The following AGAP1 variants were observed in gnomAD, a reference collection of about 807,000 sequenced individuals.
AGAP1 encodes the protein ArfGAP with GTPase domain, ankyrin repeat and PH domain 1.
AGAP1 carries 29 observed loss-of-function variants against 105.3 expected under a neutral mutation model. The ratio of observed to expected loss-of-function variants is 0.28; its 90% CI spans 0.21 to 0.38. The LOEUF (loss-of-function observed/expected upper bound fraction) is 0.38, where lower values mean the gene tolerates loss of function less well. AGAP1 is among the 10% of genes least tolerant of loss of function. AGAP1 has a pLI of 1.00. For missense variants in AGAP1, 998 were observed against 1,165.1 expected, an observed-to-expected ratio of 0.86 and a Z score of 2.09; for synonymous variants, 509 against 485.9, an observed-to-expected ratio of 1.05 and a Z score of -0.63.
At chr2:235,745,100 T>C (rs1952822506) in intron 5 of AGAP1, among the ~76,000 whole-genome samples, 1 of 152,100 alleles carries the variant, frequency 6.6e-6, no homozygotes, top group South Asian at 2.1e-4. Context: ...TTCCCTTGTT[T>C]TCTGGAAAAA....
At position 235,867,291 on chromosome 2, in the gene AGAP1, C is replaced by T. The variant is rs967832081; in HGVS notation, c.1051-16054C>T. On this transcript the variant is annotated intron_variant, in intron 9 of 17. Transcript: ENST00000304032. This position sits in a 1 kb window ranked among gnomAD's most constrained non-coding sequence, Gnocchi z 5.4. ...GGTCGTGTGGTTTCTCCTGAACTAC[C>T]TACCTCTCCCAGTTCAGGGCAAATG... 5.9e-5 allele frequency among the ~76,000 whole-genome samples: 9 copies of T among 152,124 alleles called. No homozygotes were observed. The highest frequency in any genetic ancestry group is 2.2e-4 in the African/African-American group (9 of 41,430).
intron 9 of AGAP1, among the ~76,000 whole-genome samples, chr2:235,863,836 C>T (rs529593014): frequency 8.6e-5 from 13 of 151,952 alleles, no homozygotes; most frequent in Non-Finnish European, 1.3e-4. Flanking sequence ...AGAGTTAACT[C>T]GGAAAGAAAG....
intron 13 of AGAP1, among the ~76,000 whole-genome samples, chr2:235,999,323 GTGGTGGTGATGATGATAGTGGTGA>G (rs2055979201): frequency 6.7e-6 from 1 of 149,922 alleles, no homozygotes; most frequent in Non-Finnish European, 1.5e-5. Flanking sequence ...GGTGGTGGTG[GTGGTGGTGATGATGATAGTGGTGA>G]TGGTGATGAT....
chr2:235,829,508 A>G (rs1225056469), intron 9 of AGAP1, among the ~76,000 whole-genome samples: 2 of 152,234 alleles, frequency 1.3e-5, no homozygotes, highest in African/African-American at 4.8e-5. Context: ...GGCCAAATGT[A>G]TACTGAATTG....
chr2:235,653,543 T>TA (rs1947679381), intron 1 of AGAP1, among the ~76,000 whole-genome samples: 1 of 151,226 alleles, frequency 6.6e-6, no homozygotes. Flanking sequence ...AAATAATAAA[T>TA]AAAAAAGTGC....
At chr2:236,010,364 G>A (rs995400432) in intron 13 of AGAP1, among the ~76,000 whole-genome samples, 40 of 152,208 alleles carry the variant, frequency 2.6e-4, no homozygotes, top group Non-Finnish European at 4.6e-4. Flanking sequence ...CTGTCTGTTA[G>A]TAATTACAAG....
In AGAP1 at chr2:236,101,762, T is replaced by A. The variant is rs1317367594; in HGVS notation, c.2115-18430T>A. On this transcript the variant is annotated intron_variant, in intron 16 of 17. Coordinates refer to ENST00000304032, the MANE Select transcript of AGAP1 (RefSeq NM_001037131.3). The surrounding 1 kb of genome is among the most constrained non-coding windows in gnomAD (Gnocchi z 4.9). The stretch of plus-strand genomic sequence containing the variant: ...ACCAGCAGAGCCGCCGTGGGCTTCA[T>A]GCCACGTTACGCGGAGTCTAGGACG... 6.6e-6 allele frequency among the ~76,000 whole-genome samples: 1 copy of A among 152,256 alleles called. No homozygotes were observed. The highest frequency in any genetic ancestry group is 2.4e-5 in the African/African-American group (1 of 41,470).
At chr2:235,670,957 G>T (rs2149359494) in intron 1 of AGAP1, 2 of 1,319,520 alleles carry the variant, frequency 1.5e-6, no homozygotes, top group East Asian at 3.1e-5. Flanking sequence ...CCTCGCCACG[G>T]AGCGGAGCCT....
chr2:236,008,812 C>T (rs1384353870), intron 13 of AGAP1, among the ~76,000 whole-genome samples: 1 of 152,178 alleles, frequency 6.6e-6, no homozygotes, highest in Non-Finnish European at 1.5e-5. Context: ...AAAGAAAGAA[C>T]CATTGTGAGT....
rs528403161 is a variant in AGAP1 at position 235,753,924 on chromosome 2, C to T, written c.673+3436C>T. ...TTTTCATGTAAATCACAAACACTCT[C>T]ATTGTTAGTGAGAAAAGTAGTTGCT... On this transcript the variant is annotated intron_variant, in intron 6 of 17. Coordinates refer to ENST00000304032, the MANE Select transcript of AGAP1 (RefSeq NM_001037131.3). This position sits in a 1 kb window ranked among gnomAD's most constrained non-coding sequence, Gnocchi z 4.5. Among the ~76,000 whole-genome samples, 17 of 152,174 alleles carry T rather than the reference C, an allele frequency of 1.1e-4. No homozygotes were observed. Among genetic ancestry groups the T allele is most frequent in the Non-Finnish European group, 2.9e-5 (2 of 68,028 alleles).
intron 1 of AGAP1, among the ~76,000 whole-genome samples, chr2:235,630,454 A>G (rs1219392700): frequency 1.3e-5 from 2 of 152,110 alleles, no homozygotes; most frequent in Non-Finnish European, 2.9e-5. Flanking sequence ...CAGGTGATCC[A>G]CCTGCCTCGG....
chr2:235,519,774 T>G (rs1942546518), intron 1 of AGAP1, among the ~76,000 whole-genome samples: 1 of 152,122 alleles, frequency 6.6e-6, no homozygotes, highest in African/African-American at 2.4e-5. Context: ...CCTACCAATA[T>G]TATTATTATC....
At chr2:236,028,947 T>C (rs1429423688) in intron 13 of AGAP1, among the ~76,000 whole-genome samples, 1 of 152,204 alleles carries the variant, frequency 6.6e-6, no homozygotes, top group Non-Finnish European at 1.5e-5. Flanking sequence ...TTTTTTTCTT[T>C]CTTCTGGTTG....
At position 235,983,214 on chromosome 2, in the gene AGAP1, G is replaced by T. The variant is rs1371225553; in HGVS notation, c.1645+14591G>T. 6.6e-6 allele frequency among the ~76,000 whole-genome samples: 1 copy of T among 152,060 alleles called. No individual in the cohort carries two copies. The highest frequency in any genetic ancestry group is 2.4e-5 in the African/African-American group (1 of 41,390). ...AAGTGCCCAGCAAGGGGAGCTGCAG[G>T]AGGGTCTCTTTACAGGTGTGCAAAG... On this transcript the variant is annotated intron_variant, in intron 13 of 17. Coordinates refer to ENST00000304032, the MANE Select transcript of AGAP1 (RefSeq NM_001037131.3). The surrounding 1 kb of genome is among the most constrained non-coding windows in gnomAD (Gnocchi z 4.5).
intron 1 of AGAP1, among the ~76,000 whole-genome samples, chr2:235,496,995 C>T (rs977975082): frequency 2.0e-5 from 3 of 152,168 alleles, no homozygotes; most frequent in Non-Finnish European, 4.4e-5. Flanking sequence ...GGCTTAAGAA[C>T]CACTCAGACA....
rs1221423445 is a variant in AGAP1 at position 235,692,455 on chromosome 2, C to T, written c.164-16724C>T. Among the ~76,000 whole-genome samples the T allele has an allele frequency of 6.6e-6, 1 of 152,164 alleles. No individual in the cohort carries two copies. The highest frequency in any genetic ancestry group is 6.5e-5 in the Admixed American group (1 of 15,282). The stretch of plus-strand genomic sequence containing the variant: ...TAGAAAATGTGACCCATGTTGCCAA[C>T]TCCCAAAAGCCACCAGGTGACTTCC... On this transcript the variant is annotated intron_variant, in intron 1 of 17. Transcript: ENST00000304032. The surrounding 1 kb of genome is among the most constrained non-coding windows in gnomAD (Gnocchi z 5.8).
In AGAP1 at chr2:236,126,876, C is replaced by G. The variant is rs1303563406; in HGVS notation, c.*2754C>G. The G allele has an allele frequency of 1.3e-5, 2 of 152,260 alleles. No homozygotes were observed. The highest frequency in any genetic ancestry group is 4.8e-5 in the African/African-American group (2 of 41,442). The allele number at this position is 152,260 out of a possible 1,614,324, so 9.4% of individuals were successfully genotyped here. A position where few individuals can be genotyped will look rare whatever the true frequency, so the allele number is the denominator to read the frequency against. ...CGGACCGCACTCTCGTTCCCACTTT[C>G]AAGCTAATTACCACCAAGGCTGGGA... On this transcript the variant is annotated 3_prime_UTR_variant, in exon 18 of 18. Transcript: ENST00000304032.
chr2:235,988,811 A>G lies in AGAP1; in HGVS notation c.1645+20188A>G, dbSNP rs986671106. On this transcript the variant is annotated intron_variant, in intron 13 of 17. Transcript: ENST00000304032. The surrounding 1 kb of genome is among the most constrained non-coding windows in gnomAD (Gnocchi z 4.7). ...ACCCACCCTTTTTTCTGTGGTCAGC[A>G]TGTGTTTCCCAGACTGGGCGTCACT... Among the ~76,000 whole-genome samples, 1 of 152,044 alleles carries G rather than the reference A, an allele frequency of 6.6e-6. No individual in the cohort carries two copies. The highest frequency in any genetic ancestry group is 1.5e-5 in the Non-Finnish European group (1 of 68,010).
Position 235,720,755 on chromosome 2 carries a change from A to G in AGAP1, c.310+3111A>G. 1.0e-6 allele frequency: 1 copy of G among 970,496 alleles called. No individual in the cohort carries two copies. The highest frequency in any genetic ancestry group is 1.2e-6 in the Non-Finnish European group (1 of 816,486). The allele number at this position is 970,496 out of a possible 1,614,324, so 60.1% of individuals were successfully genotyped here. A position where few individuals can be genotyped will look rare whatever the true frequency, so the allele number is the denominator to read the frequency against. Reference sequence around the variant, plus strand: ...GTCATAATCCTGACCCGTGGCTGGGATATGTAGACTGCTGGGAGGGGTGAG... The same window carrying G: ...GTCATAATCCTGACCCGTGGCTGGGGTATGTAGACTGCTGGGAGGGGTGAG... On this transcript the variant is annotated intron_variant, in intron 3 of 17. Coordinates refer to ENST00000304032, the MANE Select transcript of AGAP1 (RefSeq NM_001037131.3). The surrounding 1 kb of genome is among the most constrained non-coding windows in gnomAD (Gnocchi z 5.0).
Sources: gnomAD v4.1 joint callset for allele counts (sites outside exome capture counted in the v4.1 genomes callset) on GRCh38, gnomAD v4.1.1 for gene constraint, Gnocchi (gnomAD v3.1) non-coding constraint, MANE v1.5 for transcripts, NCBI Gene and HGNC (gene_info 2026-07-23, HGNC 2026-07-21) for gene names.